The following EHMT1 variants were observed in gnomAD, a reference collection of about 807,000 sequenced individuals.
EHMT1 encodes the protein histone-lysine N-methyltransferase EHMT1.
A neutral mutation model predicts 147.2 loss-of-function variants in EHMT1; 15 were observed. That is an observed-to-expected ratio of 0.10 (90% CI 0.07 to 0.16). EHMT1 has a LOEUF of 0.16. Among genes scored for constraint, EHMT1 ranks in the 10% least tolerant of loss-of-function variants. The pLI, the probability that EHMT1 is intolerant of heterozygous loss-of-function variation, is 1.00. For synonymous variants in EHMT1, 795 were observed against 709.6 expected (o/e 1.12, Z -1.91); for missense variants, 1,587 against 1,772.4 (o/e 0.90, Z 1.88).
At chr9:137,624,885 CTT>C (rs1242300490) in intron 1 of EHMT1, among the ~76,000 whole-genome samples, 16 of 143,114 alleles carry the variant, frequency 1.1e-4, no homozygotes, top group Admixed American at 1.4e-4. Context: ...TTTCATTCTT[CTT>C]TTTTTTTTTT....
At chr9:137,832,314 G>T (rs1956257903) in intron 25 of EHMT1, among the ~76,000 whole-genome samples, 2 of 143,158 alleles carry the variant, frequency 1.4e-5, no homozygotes, top group Admixed American at 7.0e-5. Flanking sequence ...CCTAGAATTG[G>T]CTGGGCTCCC....
intron 18 of EHMT1, chr9:137,803,310 G>T: frequency 1.0e-6 from 1 of 995,822 alleles, no homozygotes; most frequent in Non-Finnish European, 1.2e-6. Context: ...GTTGCTGTCG[G>T]AAGAGTGAGC....
intron 1 of EHMT1, among the ~76,000 whole-genome samples, chr9:137,705,453 TTGAG>T (rs1028544326): frequency 3.3e-5 from 5 of 152,240 alleles, no homozygotes; most frequent in Non-Finnish European, 7.3e-5. Context: ...AAGCCAGTGT[TTGAG>T]TGAGAATTGG....
At chr9:137,670,344 A>G (rs897357208) in intron 1 of EHMT1, among the ~76,000 whole-genome samples, 11 of 152,030 alleles carry the variant, frequency 7.2e-5, no homozygotes, top group African/African-American at 2.4e-4. Flanking sequence ...ATCCTGGTTA[A>G]GGTTTCTGTC....
At chr9:137,807,662 C>T (rs1331993907) in intron 18 of EHMT1, among the ~76,000 whole-genome samples, 2 of 152,108 alleles carry the variant, frequency 1.3e-5, no homozygotes, top group African/African-American at 4.8e-5. Context: ...CGCGCACGAC[C>T]ACGCCTGGCT....
intron 1 of EHMT1, among the ~76,000 whole-genome samples, chr9:137,627,620 C>T (rs1185193739): frequency 3.9e-5 from 6 of 152,134 alleles, no homozygotes; most frequent in South Asian, 2.1e-4. Flanking sequence ...CCGCCGCGCC[C>T]GGCCCTTTTG....
At chr9:137,718,604 T>C (rs1945591573) in intron 3 of EHMT1, among the ~76,000 whole-genome samples, 2 of 152,324 alleles carry the variant, frequency 1.3e-5, no homozygotes, top group South Asian at 4.1e-4. Context: ...TCTGTCCTCC[T>C]GGGCAGTTCT....
chr9:137,726,224 A>T (rs1223663643), intron 3 of EHMT1, among the ~76,000 whole-genome samples: 1 of 152,142 alleles, frequency 6.6e-6, no homozygotes, highest in Non-Finnish European at 1.5e-5. Context: ...CGTCTCTGGA[A>T]CCTCTTCATC....
In EHMT1 at chr9:137,770,487, A is replaced by G. The variant is rs370336489; in HGVS notation, c.1648-4622A>G. ...AGTGGGTTCAGATTTCTCTAGTGCA[A>G]GACTTTTCAACCTCAATATTTTTGA... On this transcript the variant is annotated intron_variant, in intron 10 of 26. Coordinates refer to ENST00000460843, the MANE Select transcript of EHMT1 (RefSeq NM_024757.5). Among the ~76,000 whole-genome samples the G allele has an allele frequency of 2.6e-5, 4 of 152,308 alleles. No individual in the cohort carries two copies. In the East Asian group the frequency reaches 7.7e-4, roughly 29 times the overall value.
chr9:137,665,690 G>C (rs1049557259), intron 1 of EHMT1, among the ~76,000 whole-genome samples: 16 of 152,208 alleles, frequency 1.1e-4, no homozygotes, highest in Non-Finnish European at 1.5e-5. Context: ...TTTGTGGGAT[G>C]AGCTGTGTTG....
At chr9:137,718,556 T>C (rs565203492) in intron 3 of EHMT1, among the ~76,000 whole-genome samples, 1 of 152,250 alleles carries the variant, frequency 6.6e-6, no homozygotes, top group South Asian at 2.1e-4. Context: ...TTTTCTTCTG[T>C]TTTCTTCCCA....
intron 1 of EHMT1, among the ~76,000 whole-genome samples, chr9:137,625,748 G>A (rs757833177): frequency 2.6e-5 from 4 of 151,990 alleles, no homozygotes; most frequent in African/African-American, 4.8e-5. Context: ...TTCTTGTCAT[G>A]TCTTGGTCTT....
intron 1 of EHMT1, among the ~76,000 whole-genome samples, chr9:137,657,029 C>T (rs1298720558): frequency 6.6e-6 from 1 of 152,178 alleles, no homozygotes; most frequent in East Asian, 1.9e-4. Flanking sequence ...GTGTGAGCCA[C>T]CGTGCCTGGC....
At chr9:137,637,300 C>A (rs995021452) in intron 1 of EHMT1, among the ~76,000 whole-genome samples, 1 of 151,598 alleles carries the variant, frequency 6.6e-6, no homozygotes, top group East Asian at 1.9e-4. Context: ...CTCAGCCTCC[C>A]GAGTAGCTGG....
At chr9:137,778,821 C>T (rs1233195050) in intron 13 of EHMT1, among the ~76,000 whole-genome samples, 1 of 152,164 alleles carries the variant, frequency 6.6e-6, no homozygotes, top group Non-Finnish European at 1.5e-5. Flanking sequence ...AATTGGCTCA[C>T]GGTTCTCCAG....
chr9:137,824,179 G>A (rs1461617773), intron 25 of EHMT1, among the ~76,000 whole-genome samples: 5 of 152,154 alleles, frequency 3.3e-5, no homozygotes, highest in Admixed American at 6.5e-5. Flanking sequence ...AGGCCGAGAC[G>A]GAGTTTGAAG....
chr9:137,619,268 C>T (rs1842799480), intron 1 of EHMT1, among the ~76,000 whole-genome samples: 1 of 142,440 alleles, frequency 7.0e-6, no homozygotes, highest in Admixed American at 6.9e-5. Flanking sequence ...GCGCTTTGTG[C>T]GCGGCGCGGG....
chr9:137,702,514 T>C (rs1446707638), intron 1 of EHMT1, among the ~76,000 whole-genome samples: 1 of 152,126 alleles, frequency 6.6e-6, no homozygotes, highest in African/African-American at 2.4e-5. Flanking sequence ...CAGGCCACAC[T>C]GGTGGAAGGG....
chr9:137,641,699 CAG>C (rs1251531033), intron 1 of EHMT1, among the ~76,000 whole-genome samples: 3 of 152,182 alleles, frequency 2.0e-5, no homozygotes, highest in Non-Finnish European at 2.9e-5. Context: ...TGGCCTCTGT[CAG>C]GGGCTGGCGC....
Sources: allele counts gnomAD v4.1 joint callset (sites outside exome capture counted in the v4.1 genomes callset), GRCh38; gene constraint gnomAD v4.1.1; transcripts MANE v1.5; gene names NCBI Gene and HGNC (gene_info 2026-07-23, HGNC 2026-07-21).